SPINK8: variants seen among roughly 807,000 people sequenced by gnomAD.
SPINK8 encodes the protein serine protease inhibitor Kazal-type 8.
SPINK8 carries 12 observed loss-of-function variants against 14.4 expected under a neutral mutation model. The observed-to-expected ratio is 0.83, with a 90% CI of 0.53 to 1.35. The LOEUF (loss-of-function observed/expected upper bound fraction) is 1.35, where lower values mean the gene tolerates loss of function less well. Ranked by LOEUF, SPINK8 falls within the 40% of genes most tolerant of loss-of-function variation. The pLI, the probability that SPINK8 is intolerant of heterozygous loss-of-function variation, is 0.00. For missense variants in SPINK8, 103 were observed against 117.0 expected (o/e 0.88, Z 0.55); for synonymous variants, 32 against 37.6 (o/e 0.85, Z 0.55).
chr3:48,313,699 C>T (rs2107086442), intron 6 of SPINK8, among the ~76,000 whole-genome samples: 1 of 152,200 alleles, frequency 6.6e-6, no homozygotes, highest in Middle Eastern at 3.4e-3. Flanking sequence ...AATAGTTAGA[C>T]ATGGAAACAA....
At chr3:48,314,603 GGGT>G (rs1209796793) in intron 6 of SPINK8, among the ~76,000 whole-genome samples, 3 of 152,102 alleles carry the variant, frequency 2.0e-5, no homozygotes, top group Non-Finnish European at 4.4e-5. Context: ...TGACCTGTCT[GGGT>G]GGTTCTCTGA....
chr3:48,315,338 T>C (rs1285728276), intron 6 of SPINK8, among the ~76,000 whole-genome samples: 5 of 152,122 alleles, frequency 3.3e-5, no homozygotes, highest in Admixed American at 2.6e-4. Context: ...GGCTCGCATA[T>C]AGGATAAAAG....
At chr3:48,332,230 GT>G (rs2036275610) in intron 2 of SPINK8, among the ~76,000 whole-genome samples, 135 bp downstream of exon 2, 1 of 152,080 alleles carries the variant, frequency 6.6e-6, no homozygotes. Context: ...TTTTTATCCC[GT>G]TTGTCCAGTT....
intron 6 of SPINK8, among the ~76,000 whole-genome samples, chr3:48,316,908 T>A (rs1159159469): frequency 6.6e-6 from 1 of 152,234 alleles, no homozygotes; most frequent in African/African-American, 2.4e-5. Context: ...TTGAGGCAAT[T>A]TGTTGCTAGC....
chr3:48,319,112 C>G (rs952892915), intron 6 of SPINK8, among the ~76,000 whole-genome samples: 7 of 152,202 alleles, frequency 4.6e-5, no homozygotes, highest in Non-Finnish European at 8.8e-5. Flanking sequence ...TGGGAAGATT[C>G]TTCACCCAGC....
chr3:48,310,772 T>C (rs145804812), intron 6 of SPINK8, among the ~76,000 whole-genome samples: 3,008 of 152,288 alleles, frequency 0.02, 63 homozygotes, highest in Middle Eastern at 0.071. Flanking sequence ...GTGCAGGGAT[T>C]ACAGGCATGA....
intron 3 of SPINK8, among the ~76,000 whole-genome samples, 187 bp from the exon 4 acceptor site, chr3:48,328,541 A>G (rs2036177106): frequency 6.6e-6 from 1 of 151,906 alleles, no homozygotes. Flanking sequence ...TGGACATTTG[A>G]AAAAAAAATC....
chr3:48,312,419 G>A (rs2035934000), intron 6 of SPINK8, among the ~76,000 whole-genome samples: 1 of 152,194 alleles, frequency 6.6e-6, no homozygotes, highest in Non-Finnish European at 1.5e-5. Context: ...GAGTCAGGCA[G>A]ATGACCTGAG....
intron 4 of SPINK8, among the ~76,000 whole-genome samples, chr3:48,327,978 G>T (rs1305953726): frequency 1.3e-5 from 2 of 152,024 alleles, no homozygotes; most frequent in Admixed American, 1.3e-4. Context: ...TTTGATTTGA[G>T]ATATGTAAAT....
chr3:48,329,097 C>A (rs1286548436), intron 3 of SPINK8, among the ~76,000 whole-genome samples, 56 bp downstream of exon 3: 8 of 152,122 alleles, frequency 5.3e-5, no homozygotes, highest in South Asian at 2.1e-4. Flanking sequence ...GAGGAAAAAA[C>A]CAAGTAATAA....
At chr3:48,321,466 A>G (rs1230167058) in intron 4 of SPINK8, among the ~76,000 whole-genome samples, 1 of 151,328 alleles carries the variant, frequency 6.6e-6, no homozygotes, top group Non-Finnish European at 1.5e-5. Context: ...TATGTATATA[A>G]AATTTTATAT....
intron 6 of SPINK8, among the ~76,000 whole-genome samples, chr3:48,317,578 C>T (rs186007857): frequency 6.2e-4 from 95 of 152,162 alleles, no homozygotes; most frequent in Non-Finnish European, 1.2e-3. Flanking sequence ...TGCAGTGGCG[C>T]GATCTTGGCT....
rs1280500470 is a variant in SPINK8, at chr3:48,328,364, T to G, written c.-13-10A>C. The G allele has an allele frequency of 3.1e-6, 5 of 1,601,426 alleles. No individual in the cohort carries two copies. Among genetic ancestry groups the G allele is most frequent in the Middle Eastern group, 3.3e-4 (2 of 6,044 alleles). On this transcript the variant is annotated splice_polypyrimidine_tract_variant and intron_variant, in intron 3 of 7. Transcript: ENST00000434006. ...CATGGTGACAGAAGAACTGTGGAAA[T>G]ATGCAACTTTTGATGTAGGACAAAC...
In SPINK8 at chr3:48,328,010, A is replaced by G. The variant is rs368827176; in HGVS notation, c.67+265T>C. Among the ~76,000 whole-genome samples, 11 of 152,296 alleles carry G rather than the reference A, an allele frequency of 7.2e-5. No individual in the cohort carries two copies. The East Asian group carries it at 1.9e-3, about 27-fold the overall frequency. Reference sequence around the variant, plus strand: ...AAATATACAAACTCTAGAAATGTACATTTCTGAGGTTTAAATATCTTAGGT... The same window carrying G: ...AAATATACAAACTCTAGAAATGTACGTTTCTGAGGTTTAAATATCTTAGGT... On this transcript the variant is annotated intron_variant, in intron 4 of 7. Coordinates refer to ENST00000434006, the MANE Select transcript of SPINK8 (RefSeq NM_001080525.3).
At chr3:48,313,549 G>T (rs1201048193) in intron 6 of SPINK8, among the ~76,000 whole-genome samples, 1 of 152,182 alleles carries the variant, frequency 6.6e-6, no homozygotes, top group African/African-American at 2.4e-5. Flanking sequence ...CTATAGAAAA[G>T]TTTGATGGTT....
intron 7 of SPINK8, among the ~76,000 whole-genome samples, chr3:48,307,777 C>T (rs1020970232): frequency 3.9e-5 from 6 of 151,916 alleles, no homozygotes; most frequent in African/African-American, 1.5e-4. Flanking sequence ...TGAGTTCTAG[C>T]TGAGTCACAG....
chr3:48,332,720 C>A (rs545850208), intron 1 of SPINK8, among the ~76,000 whole-genome samples: 2 of 152,148 alleles, frequency 1.3e-5, no homozygotes, highest in Non-Finnish European at 2.9e-5. Flanking sequence ...GCAGTTATAG[C>A]GGCACTTCTC....
Position 48,306,882 on chromosome 3 carries a change from A to T in SPINK8, c.*110T>A. ...CATTTATTGAAGACATAAATCAACG[A>T]GTTTGATCCAACCATTAGTAATTAA... On this transcript the variant is annotated 3_prime_UTR_variant, in exon 8 of 8. Transcript: ENST00000434006. 9.1e-7 allele frequency: 1 copy of T among 1,102,222 alleles called. No individual in the cohort carries two copies. The highest frequency in any genetic ancestry group is 1.3e-6 in the Non-Finnish European group (1 of 754,102). 68.3% of individuals were successfully genotyped at this position (1,102,222 alleles called of 1,614,324 possible).
At chr3:48,312,125 C>T (rs1410818221) in intron 6 of SPINK8, among the ~76,000 whole-genome samples, 1 of 150,288 alleles carries the variant, frequency 6.7e-6, no homozygotes, top group Non-Finnish European at 1.5e-5. Context: ...TGCAGTAAGA[C>T]CCTGTCTCCA....
Sources: allele counts gnomAD v4.1 joint callset (sites outside exome capture counted in the v4.1 genomes callset), GRCh38; gene constraint gnomAD v4.1.1; transcripts MANE v1.5; gene names NCBI Gene and HGNC (gene_info 2026-07-23, HGNC 2026-07-21).